Variants in C16orf78 observed in about 807,000 individuals in gnomAD.
C16orf78 encodes the protein chromosome 16 open reading frame 78.
C16orf78 carries 19 observed loss-of-function variants against 27.3 expected under a neutral mutation model. That is an observed-to-expected ratio of 0.70 (90% confidence interval 0.49 to 1.02). The LOEUF (loss-of-function observed/expected upper bound fraction) is 1.02. Among genes scored for constraint, C16orf78 ranks in the 50% least tolerant of loss-of-function variants. C16orf78 has a pLI of 0.00. For synonymous variants in C16orf78, 130 were observed against 116.1 expected (o/e 1.12, Z -0.77); for missense variants, 339 against 337.0 (o/e 1.01, Z -0.05).
chr16:49,375,107 G>A (rs1397698970), intron 1 of C16orf78, among the ~76,000 whole-genome samples: 1 of 152,114 alleles, frequency 6.6e-6, no homozygotes, highest in African/African-American at 2.4e-5. Flanking sequence ...TGAAGGATAA[G>A]GAAAGTGAAA....
chr16:49,397,830 A>G (rs112771380), intron 4 of C16orf78, among the ~76,000 whole-genome samples: 18,788 of 152,118 alleles, frequency 0.12, 1,542 homozygotes, highest in Middle Eastern at 0.21. Flanking sequence ...CAGTGATGTG[A>G]TCTCGGCTCA....
chr16:49,396,030 C>A (rs1461109426), intron 3 of C16orf78, among the ~76,000 whole-genome samples: 1 of 152,064 alleles, frequency 6.6e-6, no homozygotes, highest in Non-Finnish European at 1.5e-5. Context: ...ACCATTTGAG[C>A]CCAGGAGTTC....
intron 4 of C16orf78, among the ~76,000 whole-genome samples, chr16:49,397,653 G>A (rs1965490613): frequency 6.6e-6 from 1 of 152,210 alleles, no homozygotes; most frequent in African/African-American, 2.4e-5. Flanking sequence ...ATGGTGGGGG[G>A]AAAGAGATTT....
intron 3 of C16orf78, among the ~76,000 whole-genome samples, chr16:49,385,670 A>G (rs1337565788): frequency 6.6e-6 from 1 of 151,794 alleles, no homozygotes; most frequent in African/African-American, 2.4e-5. Flanking sequence ...AAAAAAAAAA[A>G]TGTTTTGTAC....
intron 3 of C16orf78, 145 bp from the exon 4 acceptor site, chr16:49,396,278 T>A: frequency 1.1e-6 from 1 of 882,274 alleles, no homozygotes; most frequent in Non-Finnish European, 1.7e-6. Context: ...ATAGAGAACC[T>A]GTGGAAGCCA....
chr16:49,377,870 C>G lies in C16orf78; in HGVS notation c.270+20C>G, dbSNP rs768417473. 2.1e-5 allele frequency: 33 copies of G among 1,554,754 alleles called. 1 individual carries two copies. The highest frequency in any genetic ancestry group is 2.8e-5 in the Non-Finnish European group (32 of 1,149,026). ...CAGCAGGTAATGCAGCCCCTCTTCCCCCACTCACCCCCACTGGGTCTCCAA... is the reference window on the plus strand; with the variant it reads ...CAGCAGGTAATGCAGCCCCTCTTCCGCCACTCACCCCCACTGGGTCTCCAA... On this transcript the variant is annotated intron_variant, in intron 2 of 4. Coordinates refer to ENST00000299191, the MANE Select transcript of C16orf78 (RefSeq NM_144602.4).
At position 49,377,612 on chromosome 16, in the gene C16orf78, T is replaced by C. The variant is rs374910295; in HGVS notation, c.151-119T>C. The C allele has an allele frequency of 1.0e-5, 13 of 1,289,796 alleles. No homozygotes were observed. The African/African-American group carries it at 1.8e-4, about 18-fold the overall frequency. The allele number at this position is 1,289,796 out of a possible 1,614,324, so 79.9% of individuals were successfully genotyped here. A position where few individuals can be genotyped will look rare whatever the true frequency, so the allele number is the denominator to read the frequency against. ...GTGACGACAGGCCCTAGAGTGTGTG[T>C]GCTGAAGCCTGTGGAGGGGAGGGAC... On this transcript the variant is annotated intron_variant, in intron 1 of 4. Coordinates refer to ENST00000299191, the MANE Select transcript of C16orf78 (RefSeq NM_144602.4).
At position 49,396,786 on chromosome 16, in the gene C16orf78, G is replaced by T. The variant is rs56350095; in HGVS notation, c.650+108G>T. 71 of 1,397,578 alleles carry T rather than the reference G, an allele frequency of 5.1e-5. No individual in the cohort carries two copies. The African/African-American group carries it at 8.8e-4, about 17-fold the overall frequency. 86.6% of individuals were successfully genotyped at this position (1,397,578 alleles called of 1,614,324 possible). ...GGCTTAGCCTGAAGATCTAGGAGTA[G>T]GGGCTTGGTGTGGCTGAGCTCCGCC... On this transcript the variant is annotated intron_variant, in intron 4 of 4. Transcript: ENST00000299191.
chr16:49,386,386 A>G (rs2151613471), intron 3 of C16orf78, among the ~76,000 whole-genome samples: 1 of 152,338 alleles, frequency 6.6e-6, no homozygotes, highest in South Asian at 2.1e-4. Context: ...CCATCAAAAT[A>G]CAGATTCTTC....
chr16:49,391,724 G>T (rs1241995004), intron 3 of C16orf78, among the ~76,000 whole-genome samples: 1 of 152,196 alleles, frequency 6.6e-6, no homozygotes, highest in Non-Finnish European at 1.5e-5. Context: ...GCTAATCTGT[G>T]TAATTGTCAT....
chr16:49,384,923 C>T (rs1965329800), intron 3 of C16orf78, among the ~76,000 whole-genome samples: 1 of 152,078 alleles, frequency 6.6e-6, no homozygotes, highest in African/African-American at 2.4e-5. Flanking sequence ...CAACTGCCAA[C>T]CAAGGATATT....
chr16:49,377,854 A>G lies in C16orf78; in HGVS notation c.270+4A>G, dbSNP rs373783846. The G allele has an allele frequency of 1.3e-5, 20 of 1,566,804 alleles. No homozygotes were observed. The highest frequency in any genetic ancestry group is 1.7e-5 in the Non-Finnish European group (20 of 1,154,908). ...GGACACGGAGACTTCCCAGCAGGTA[A>G]TGCAGCCCCTCTTCCCCCACTCACC... On this transcript the variant is annotated splice_donor_region_variant and intron_variant, in intron 2 of 4. Transcript: ENST00000299191.
At chr16:49,394,469 C>G (rs901129695) in intron 3 of C16orf78, among the ~76,000 whole-genome samples, 7 of 133,618 alleles carry the variant, frequency 5.2e-5, no homozygotes, top group African/African-American at 2.6e-4. Context: ...GTGATTATAT[C>G]AGTTGATGGC....
chr16:49,378,651 A>T, intron 3 of C16orf78, 58 bp downstream of exon 3: 1 of 1,603,908 alleles, frequency 6.2e-7, no homozygotes, highest in Non-Finnish European at 8.5e-7. Flanking sequence ...CTCCTCCTCT[A>T]GAAGAAACCG....
chr16:49,389,895 T>C (rs1198718177), intron 3 of C16orf78, among the ~76,000 whole-genome samples: 4 of 152,248 alleles, frequency 2.6e-5, no homozygotes, highest in Non-Finnish European at 5.9e-5. Context: ...GTGGAATAAT[T>C]TTCCTTCTAC....
chr16:49,378,614 C>T (rs1247144130), intron 3 of C16orf78, 21 bp downstream of exon 3: 4 of 1,609,384 alleles, frequency 2.5e-6, no homozygotes, highest in African/African-American at 2.7e-5. Context: ...AACCTTGGCC[C>T]CGGCCACCAG....
intron 4 of C16orf78, 113 bp downstream of exon 4, chr16:49,396,791 T>A: frequency 2.2e-6 from 3 of 1,367,096 alleles, no homozygotes; most frequent in Non-Finnish European, 2.9e-6. Context: ...GAGTAGGGGC[T>A]TGGTGTGGCT....
chr16:49,384,670 T>C (rs950516488), intron 3 of C16orf78, among the ~76,000 whole-genome samples: 1 of 152,172 alleles, frequency 6.6e-6, no homozygotes, highest in Non-Finnish European at 1.5e-5. Flanking sequence ...AGGAAAGAGA[T>C]GTACATTAAG....
intron 1 of C16orf78, among the ~76,000 whole-genome samples, chr16:49,375,096 T>G (rs541097114): frequency 2.0e-5 from 3 of 152,252 alleles, no homozygotes; most frequent in African/African-American, 7.2e-5. Flanking sequence ...TTACCCCTAG[T>G]TGAAGGATAA....
Sources: allele counts gnomAD v4.1 joint callset (sites outside exome capture counted in the v4.1 genomes callset), GRCh38; gene constraint gnomAD v4.1.1; transcripts MANE v1.5; gene names NCBI Gene and HGNC (gene_info 2026-07-23, HGNC 2026-07-21).